The following GSG1L variants were observed in gnomAD, a reference collection of about 807,000 sequenced individuals.
The protein encoded by GSG1L is germ cell-specific gene 1-like protein.
Under a neutral mutation model 42.1 loss-of-function variants are expected in GSG1L, and 24 were observed. The observed-to-expected ratio is 0.57, with a 90% CI of 0.41 to 0.80. The LOEUF (loss-of-function observed/expected upper bound fraction) is 0.80, where lower values mean the gene tolerates loss of function less well. GSG1L is among the 30% of genes least tolerant of loss of function. The pLI is 0.00. For synonymous variants in GSG1L, 215 were observed against 203.5 expected (o/e 1.06, Z -0.48); for missense variants, 445 against 472.2 (o/e 0.94, Z 0.53).
In GSG1L at chr16:27,868,606, AAG is replaced by A. The variant is rs1491310329; in HGVS notation, c.550+15878_550+15879del. 3.3e-3 allele frequency among the ~76,000 whole-genome samples: 505 copies of A among 152,282 alleles called. 3 individuals are homozygous for A. Among genetic ancestry groups the A allele is most frequent in the African/African-American group, 0.012 (482 of 41,548 alleles). ...TTGGCAAGAGCTGTAAAAAAAAAAA[AAG>A]ATGATATTTTGATGCCAACATTTTA... On this transcript the variant is annotated intron_variant, in intron 3 of 6. Transcript: ENST00000447459.
rs191383987 is a variant in GSG1L at position 27,793,460 on chromosome 16, G to A, written c.899-1993C>T. Among the ~76,000 whole-genome samples the A allele has an allele frequency of 4.0e-5, 6 of 150,768 alleles. No individual in the cohort carries two copies. The East Asian group carries it at 1.2e-3, about 29-fold the overall frequency. ...ACCATTGCATACTTTGGAAGTGTTG[G>A]CTGCCAAGATAGAGGTGTTTGGGTT... On this transcript the variant is annotated intron_variant, in intron 6 of 6. Coordinates refer to ENST00000447459, the MANE Select transcript of GSG1L (RefSeq NM_001109763.2).
intron 1 of GSG1L, among the ~76,000 whole-genome samples, chr16:28,034,600 G>A (rs1216422942): frequency 2.0e-5 from 3 of 151,526 alleles, no homozygotes; most frequent in African/African-American, 7.3e-5. Context: ...TGTTGGACTT[G>A]TCATCCCATG....
chr16:27,791,378 A>C lies in GSG1L; in HGVS notation c.988T>G (p.Trp330Gly). 7.0e-7 allele frequency: 1 copy of C among 1,436,556 alleles called. No individual in the cohort carries two copies. The highest frequency in any genetic ancestry group is 9.2e-7 in the Non-Finnish European group (1 of 1,085,974). The allele number at this position is 1,436,556 out of a possible 1,614,324, so 89.0% of individuals were successfully genotyped here. A position where few individuals can be genotyped will look rare whatever the true frequency, so the allele number is the denominator to read the frequency against. ...CCAGGTTGAGGTCTTGGTCACACCCAGTGCCCCAAGACCCAGCACTGTCGG... is the reference window on the plus strand; with the variant it reads ...CCAGGTTGAGGTCTTGGTCACACCCCGTGCCCCAAGACCCAGCACTGTCGG... Reference protein sequence around the residue: ...LNRQCWVLGHWV With the variant: ...LNRQCWVLGHGV The change falls in exon 7 of 7, where the codon TGG becomes GGG. Residue 330 changes from tryptophan (W) to glycine (G), a missense_variant. This residue lies in a region of GSG1L where 140 missense variants were observed against 120.6 expected (regional missense o/e 1.16). Transcript: ENST00000447459.
chr16:27,857,954 G>T (rs545531072), intron 3 of GSG1L, among the ~76,000 whole-genome samples: 161 of 152,208 alleles, frequency 1.1e-3, no homozygotes, highest in African/African-American at 3.7e-3. Flanking sequence ...TCAGGCCCCA[G>T]CTCACCCCCC....
At chr16:28,019,902 G>A (rs1406852585) in intron 1 of GSG1L, among the ~76,000 whole-genome samples, 1 of 152,136 alleles carries the variant, frequency 6.6e-6, no homozygotes, top group African/African-American at 2.4e-5. Context: ...CCAAGGTCAG[G>A]GGTCAGCTGC....
intron 2 of GSG1L, among the ~76,000 whole-genome samples, chr16:27,890,243 C>G (rs562947009): frequency 9.9e-5 from 15 of 152,258 alleles, no homozygotes; most frequent in African/African-American, 3.4e-4. Context: ...ATGGAATGGC[C>G]CTTCGGTTCT....
intron 2 of GSG1L, among the ~76,000 whole-genome samples, chr16:27,957,000 T>C (rs1017177251): frequency 6.6e-6 from 1 of 152,186 alleles, no homozygotes; most frequent in African/African-American, 2.4e-5. Flanking sequence ...AAAGGAACCC[T>C]TGAGGAGGAA....
At chr16:27,885,128 T>A (rs554839667) in intron 2 of GSG1L, among the ~76,000 whole-genome samples, 42 of 152,062 alleles carry the variant, frequency 2.8e-4, no homozygotes, top group Non-Finnish European at 5.1e-4. Flanking sequence ...ACATTTTGTT[T>A]TGTTCTTTTT....
chr16:27,808,499 C>T (rs1355563865), intron 5 of GSG1L, among the ~76,000 whole-genome samples: 2 of 151,466 alleles, frequency 1.3e-5, no homozygotes, highest in Non-Finnish European at 2.9e-5. Context: ...GCTCACTGCA[C>T]CCTCCACCTC....
chr16:27,845,578 C>A (rs1010631254), intron 3 of GSG1L, among the ~76,000 whole-genome samples: 2 of 152,096 alleles, frequency 1.3e-5, no homozygotes, highest in African/African-American at 4.8e-5. Flanking sequence ...GTAGAGTGGG[C>A]TTTGGCTGGG....
At chr16:27,996,803 T>A (rs189122006) in intron 1 of GSG1L, among the ~76,000 whole-genome samples, 131 of 152,330 alleles carry the variant, frequency 8.6e-4, no homozygotes, top group African/African-American at 3.2e-3. Flanking sequence ...TTAGACAGTG[T>A]CTTACTCTGT....
intron 3 of GSG1L, among the ~76,000 whole-genome samples, chr16:27,852,416 C>T (rs933504353): frequency 6.6e-6 from 1 of 151,996 alleles, no homozygotes; most frequent in African/African-American, 2.4e-5. Context: ...GACACACAGG[C>T]TGGGCACCTC....
At chr16:28,038,395 G>A (rs953052868) in intron 1 of GSG1L, among the ~76,000 whole-genome samples, 7 of 152,206 alleles carry the variant, frequency 4.6e-5, no homozygotes, top group African/African-American at 1.7e-4. Flanking sequence ...TGCTCAGGAA[G>A]CGGAAGAGGC....
At chr16:27,979,740 AGAAAGAAAG>A (rs1389277582) in intron 1 of GSG1L, among the ~76,000 whole-genome samples, 1 of 74,216 alleles carries the variant, frequency 1.3e-5, no homozygotes, top group East Asian at 3.5e-4. Context: ...AGAAAAAGAA[AGAAAGAAAG>A]GAAAGAAAGA....
chr16:27,845,331 T>C (rs2083430979), intron 3 of GSG1L, among the ~76,000 whole-genome samples: 1 of 152,202 alleles, frequency 6.6e-6, no homozygotes, highest in Admixed American at 6.5e-5. Flanking sequence ...TGGGCTTAAG[T>C]GATCCTTCCA....
At position 27,791,347 on chromosome 16, in the gene GSG1L, C is replaced by G. The variant is rs371182814; in HGVS notation, c.*23G>C. ...CTGGTGCCAGCGATGGCCTGAGGTC[C>G]GCGGGCCAGGTTGAGGTCTTGGTCA... On this transcript the variant is annotated 3_prime_UTR_variant, in exon 7 of 7. Transcript: ENST00000447459. 7.4e-7 allele frequency: 1 copy of G among 1,357,642 alleles called. No homozygotes were observed. The highest frequency in any genetic ancestry group is 9.6e-7 in the Non-Finnish European group (1 of 1,038,236). 84.1% of individuals were successfully genotyped at this position (1,357,642 alleles called of 1,614,324 possible). A position where few individuals can be genotyped will look rare whatever the true frequency, so the allele number is the denominator to read the frequency against.
chr16:27,821,698 C>T (rs1259514155), intron 5 of GSG1L, among the ~76,000 whole-genome samples: 1 of 151,900 alleles, frequency 6.6e-6, no homozygotes, highest in African/African-American at 2.4e-5. Flanking sequence ...CAGGAGATCA[C>T]GACCATCCTG....
intron 3 of GSG1L, among the ~76,000 whole-genome samples, chr16:27,846,755 C>T (rs1054345334): frequency 2.6e-5 from 4 of 152,010 alleles, no homozygotes; most frequent in African/African-American, 9.7e-5. Flanking sequence ...GAGATTGAGA[C>T]CCTCCTGGCT....
In GSG1L at chr16:27,884,467, A is replaced by G. The variant is rs758125399; in HGVS notation, c.550+19T>C. Reference sequence around the variant, plus strand: ...TCTCGCCTGTGCTCTGAGAGGCCACAGGACCAGCCATGCCTTACCTGAGAG... The same window carrying G: ...TCTCGCCTGTGCTCTGAGAGGCCACGGGACCAGCCATGCCTTACCTGAGAG... On this transcript the variant is annotated intron_variant, in intron 3 of 6. Coordinates refer to ENST00000447459, the MANE Select transcript of GSG1L (RefSeq NM_001109763.2). The surrounding 1 kb of genome is among the most constrained non-coding windows in gnomAD (Gnocchi z 4.4). The G allele has an allele frequency of 4.4e-6, 7 of 1,608,210 alleles. No homozygotes were observed. The South Asian group carries it at 7.8e-5, about 18-fold the overall frequency.
Sources: allele counts gnomAD v4.1 joint callset (sites outside exome capture counted in the v4.1 genomes callset), GRCh38; gene constraint gnomAD v4.1.1; regional missense constraint gnomAD v4.1.1; non-coding constraint Gnocchi (gnomAD v3.1); transcripts MANE v1.5; gene names NCBI Gene and HGNC (gene_info 2026-07-23, HGNC 2026-07-21).